The following ARID1A variants were observed in gnomAD, a reference collection of about 807,000 sequenced individuals.
The protein encoded by ARID1A is AT-rich interactive domain-containing protein 1A.
In ARID1A, 20 loss-of-function variants were observed where a neutral mutation model predicts 212.6. That is an observed-to-expected ratio of 0.09 (90% CI 0.07 to 0.14). The LOEUF (loss-of-function observed/expected upper bound fraction) is 0.14. Ranked by LOEUF, ARID1A falls within the 10% of genes least tolerant of loss-of-function variation. ARID1A has a pLI of 1.00. For synonymous variants in ARID1A, 1,376 were observed against 1,222.1 expected (o/e 1.13, Z -2.63); for missense variants, 2,587 against 3,059.0 (o/e 0.85, Z 3.64).
Position 26,697,512 on chromosome 1 carries a change from G to T in ARID1A, c.1109G>T (p.Gly370Val). Residue 370 changes from glycine to valine, a missense_variant, in exon 1 of 20, where the codon GGG becomes GTG. By Grantham distance (109) the Gly-to-Val change is moderately radical (BLOSUM62 -3). Around this residue, in one of 11 missense-constraint regions of ARID1A, gnomAD observed 735 missense variants for 590.6 expected, o/e 1.24. Transcript: ENST00000324856. Reference sequence around the variant, plus strand: ...ATGAGCCCCGGGAGCAGCGGCGGCGGGGGGCAGCCGCTCGCCCGGACCCCT... The same window carrying T: ...ATGAGCCCCGGGAGCAGCGGCGGCGTGGGGCAGCCGCTCGCCCGGACCCCT... ...APMSPGSSGG[G>V]GQPLARTPQP... 1.4e-6 allele frequency: 2 copies of T among 1,405,592 alleles called. No homozygotes were observed. Among genetic ancestry groups the T allele is most frequent in the Non-Finnish European group, 1.8e-6 (2 of 1,087,362 alleles). The allele number at this position is 1,405,592 out of a possible 1,614,324, so 87.1% of individuals were successfully genotyped here.
intron 4 of ARID1A, among the ~76,000 whole-genome samples, chr1:26,737,560 T>G (rs2080745847): frequency 6.6e-6 from 1 of 152,002 alleles, no homozygotes; most frequent in Non-Finnish European, 1.5e-5. Flanking sequence ...GGGGAGTGTA[T>G]TATCTTTAAA....
chr1:26,775,026 C>G lies in ARID1A; in HGVS notation c.4799C>G (p.Ser1600Cys), dbSNP rs2124122542. Residue 1600 changes from serine to cysteine, a missense_variant, in exon 18 of 20, where the codon TCT becomes TGT. Coordinates refer to ENST00000324856, the MANE Select transcript of ARID1A (RefSeq NM_006015.6). ...CCCCGGCCAATGGAGAACCGCACCTCTCCTAGCAAGTCTCCATTCCTGCAC... is the reference window on the plus strand; with the variant it reads ...CCCCGGCCAATGGAGAACCGCACCTGTCCTAGCAAGTCTCCATTCCTGCAC... ...PLPRPMENRT[S>C]PSKSPFLHSG... The G allele has an allele frequency of 6.2e-7, 1 of 1,607,590 alleles. No homozygotes were observed. Among genetic ancestry groups the G allele is most frequent in the Non-Finnish European group, 8.5e-7 (1 of 1,176,770 alleles).
At position 26,774,506 on chromosome 1, in the gene ARID1A, G is replaced by A. The variant is rs2124118227; in HGVS notation, c.4279G>A (p.Val1427Ile). 4 of 1,613,872 alleles carry A rather than the reference G, an allele frequency of 2.5e-6. No individual in the cohort carries two copies. Among genetic ancestry groups the A allele is most frequent in the Non-Finnish European group, 3.4e-6 (4 of 1,179,884 alleles). ...TGCCCAGCCTTCCCCTCAGCAAGAT[G>A]TATACAACCAGTATGGCAATGCCTA... ...QAAQPSPQQD[V>I]YNQYGNAYPA... Residue 1427 changes from valine (V) to isoleucine (I), a missense_variant, in exon 18 of 20, where the codon GTA becomes ATA. Coordinates refer to ENST00000324856, the MANE Select transcript of ARID1A (RefSeq NM_006015.6). The surrounding 1 kb of genome is among the most constrained non-coding windows in gnomAD (Gnocchi z 5.6).
chr1:26,747,724 C>T (rs543575983), intron 4 of ARID1A, among the ~76,000 whole-genome samples: 50 of 151,852 alleles, frequency 3.3e-4, no homozygotes, highest in South Asian at 1.2e-3. Context: ...GTGGTGCATG[C>T]CTGTAGTCCT....
intron 4 of ARID1A, among the ~76,000 whole-genome samples, chr1:26,749,184 A>T (rs1352945754): frequency 6.6e-6 from 1 of 151,798 alleles, no homozygotes; most frequent in East Asian, 1.9e-4. Flanking sequence ...TAATAATAAT[A>T]ATTCTCTGGG....
At chr1:26,717,682 T>C (rs1171913855) in intron 1 of ARID1A, among the ~76,000 whole-genome samples, 4 of 152,252 alleles carry the variant, frequency 2.6e-5, no homozygotes, top group South Asian at 4.2e-4. Flanking sequence ...ACAGGACATA[T>C]AGATTGAACA....
At chr1:26,763,877 C>G (rs1194358700) in intron 8 of ARID1A, among the ~76,000 whole-genome samples, 1 of 152,226 alleles carries the variant, frequency 6.6e-6, no homozygotes, top group Non-Finnish European at 1.5e-5. Context: ...CAGCCTCGAC[C>G]TCCCAGGCTC....
intron 1 of ARID1A, among the ~76,000 whole-genome samples, chr1:26,722,301 A>C (rs949485314): frequency 2.0e-5 from 3 of 152,132 alleles, no homozygotes; most frequent in Non-Finnish European, 4.4e-5. Flanking sequence ...GCTGGAGTGC[A>C]GTGGTGTGAT....
intron 4 of ARID1A, among the ~76,000 whole-genome samples, chr1:26,745,253 ACCCCTAAAC>A (rs1398787902): frequency 1.3e-5 from 2 of 152,098 alleles, no homozygotes; most frequent in Non-Finnish European, 2.9e-5. Flanking sequence ...CTTGAATCAT[ACCCCTAAAC>A]CTGTGGTCCA....
At chr1:26,718,728 A>T (rs1361784262) in intron 1 of ARID1A, among the ~76,000 whole-genome samples, 1 of 152,320 alleles carries the variant, frequency 6.6e-6, no homozygotes, top group Non-Finnish European at 1.5e-5. Context: ...AAGTGTACAC[A>T]TTCAGTACAG....
chr1:26,707,935 A>C (rs1401282342), intron 1 of ARID1A, among the ~76,000 whole-genome samples: 1 of 152,202 alleles, frequency 6.6e-6, no homozygotes, highest in Non-Finnish European at 1.5e-5. Flanking sequence ...TGCTTCTCCA[A>C]AATAAATTAC....
intron 1 of ARID1A, among the ~76,000 whole-genome samples, chr1:26,719,038 G>A (rs531861749): frequency 1.3e-4 from 20 of 152,138 alleles, no homozygotes; most frequent in Non-Finnish European, 2.4e-4. Flanking sequence ...ATAATGGGGG[G>A]TACTCCTGTA....
chr1:26,743,164 T>C (rs950077633), intron 4 of ARID1A, among the ~76,000 whole-genome samples: 1 of 152,154 alleles, frequency 6.6e-6, no homozygotes, highest in Non-Finnish European at 1.5e-5. Flanking sequence ...GCTCCCAGCA[T>C]ACCTCTGCAA....
chr1:26,727,048 A>G (rs1359239947), intron 1 of ARID1A, among the ~76,000 whole-genome samples: 1 of 152,224 alleles, frequency 6.6e-6, no homozygotes, highest in Non-Finnish European at 1.5e-5. Context: ...AAATGTGGAA[A>G]ACTGGTTCAC....
Position 26,731,577 on chromosome 1 carries a change from T to C in ARID1A, c.1776T>C (p.Tyr592=). Reference sequence around the variant, plus strand: ...CTCAGCAGTCCCAGCAAACTGCCTATTCCCAGCAGCGCTTCCCTCCACCGC... The same window carrying C: ...CTCAGCAGTCCCAGCAAACTGCCTACTCCCAGCAGCGCTTCCCTCCACCGC... ...PQSQQSQQTA[Y]SQQRFPPPQE... is the part of the protein sequence containing the mutation. The change falls in exon 3 of 20, where the codon TAT becomes TAC. Residue 592 remains tyrosine (Y), a synonymous_variant. Coordinates refer to ENST00000324856, the MANE Select transcript of ARID1A (RefSeq NM_006015.6). The C allele has an allele frequency of 2.5e-6, 4 of 1,614,006 alleles. No homozygotes were observed. The highest frequency in any genetic ancestry group is 3.4e-6 in the Non-Finnish European group (4 of 1,179,918).
At chr1:26,725,037 G>A (rs975975897) in intron 1 of ARID1A, among the ~76,000 whole-genome samples, 1 of 151,844 alleles carries the variant, frequency 6.6e-6, no homozygotes, top group East Asian at 1.9e-4. Flanking sequence ...CAGGGGGCCC[G>A]ACTTTGCTGA....
At chr1:26,714,777 T>C (rs537538878) in intron 1 of ARID1A, among the ~76,000 whole-genome samples, 1 of 152,322 alleles carries the variant, frequency 6.6e-6, no homozygotes, top group African/African-American at 2.4e-5. Flanking sequence ...TTGTGCCTGC[T>C]ATAGTTCAGA....
chr1:26,772,790 C>T (rs199550164), intron 13 of ARID1A, 22 bp from the exon 14 acceptor site: 45 of 1,609,548 alleles, frequency 2.8e-5, no homozygotes, highest in Non-Finnish European at 3.7e-5. Flanking sequence ...TTGTGGTTTA[C>T]TTGGTTTTCC....
intron 1 of ARID1A, among the ~76,000 whole-genome samples, chr1:26,704,815 C>T (rs1015020727): frequency 1.3e-5 from 2 of 151,302 alleles, no homozygotes; most frequent in African/African-American, 4.9e-5. Flanking sequence ...GCCATGATTA[C>T]GCCAGTGCAC....
Sources: allele counts gnomAD v4.1 joint callset (sites outside exome capture counted in the v4.1 genomes callset), GRCh38; gene constraint gnomAD v4.1.1; regional missense constraint gnomAD v4.1.1; non-coding constraint Gnocchi (gnomAD v3.1); transcripts MANE v1.5; gene names NCBI Gene and HGNC (gene_info 2026-07-23, HGNC 2026-07-21).